Variants in DENND6B observed in about 807,000 individuals in gnomAD.
The protein encoded by DENND6B is DENN domain containing 6B, also known as protein DENND6B.
DENND6B carries 73 observed loss-of-function variants against 85.1 expected under a neutral mutation model. The observed-to-expected ratio is 0.86, with a 90% CI of 0.71 to 1.04. The LOEUF (loss-of-function observed/expected upper bound fraction) is 1.04, where lower values mean the gene tolerates loss of function less well. DENND6B is among the 50% of genes least tolerant of loss of function. The pLI, the probability that DENND6B is intolerant of heterozygous loss-of-function variation, is 0.00. For missense variants in DENND6B, 715 were observed against 785.8 expected (o/e 0.91, Z 1.08); for synonymous variants, 357 against 329.3 (o/e 1.08, Z -0.91).
rs774362338 is a variant in DENND6B at position 50,316,488 on chromosome 22, G to C, written c.454-13C>G. The C allele has an allele frequency of 2.6e-6, 4 of 1,562,764 alleles. No individual in the cohort carries two copies. The highest frequency in any genetic ancestry group is 1.9e-5 in the Admixed American group (1 of 52,052). ...CCAGCACCAAAGACTGCAGGGCCAC[G>C]GGGCCAGTTAGAGGCCCAGTGCCAG... On this transcript the variant is annotated splice_polypyrimidine_tract_variant and intron_variant, in intron 5 of 19. Coordinates refer to ENST00000413817, the MANE Select transcript of DENND6B (RefSeq NM_001001794.4).
intron 4 of DENND6B, among the ~76,000 whole-genome samples, chr22:50,317,615 G>A (rs972857578): frequency 6.6e-6 from 1 of 152,118 alleles, no homozygotes; most frequent in African/African-American, 2.4e-5. Flanking sequence ...AGTGGAGAGG[G>A]GCTCGGGGGG....
rs749562796 is a variant in DENND6B, at chr22:50,318,855, G to A, written c.251C>T (p.Ser84Leu). ...AAGGTGGGGTTGCCTACCTGAGTGC[G>A]AGTCGGGAAAAGACAGGTAGCAGAT... ...SSICYLSFPD[S>L]HSGCLGDTQF... The change falls in exon 3 of 20, where the codon TCG becomes TTG. Residue 84 changes from serine (S) to leucine (L), a missense_variant. By Grantham distance (145) the Ser-to-Leu change is moderately radical (BLOSUM62 -2). Transcript: ENST00000413817. 3 of 1,613,338 alleles carry A rather than the reference G, an allele frequency of 1.9e-6. No homozygotes were observed. Among genetic ancestry groups the A allele is most frequent in the South Asian group, 2.2e-5 (2 of 91,018 alleles).
chr22:50,317,602 T>G (rs2041895486), intron 4 of DENND6B, among the ~76,000 whole-genome samples: 1 of 151,712 alleles, frequency 6.6e-6, no homozygotes. Context: ...AGTCCGCTGG[T>G]GTAGTGGAGA....
chr22:50,321,878 G>A (rs1405463674), intron 1 of DENND6B, among the ~76,000 whole-genome samples: 3 of 151,842 alleles, frequency 2.0e-5, no homozygotes, highest in Non-Finnish European at 4.4e-5. Context: ...ACACATGGCT[G>A]ATTTTTACAC....
In DENND6B at chr22:50,315,611, C is replaced by T. The variant is rs2041783782; in HGVS notation, c.758+103G>A. 1.6e-5 allele frequency: 22 copies of T among 1,334,492 alleles called. No individual in the cohort carries two copies. The South Asian group carries it at 2.8e-4, about 17-fold the overall frequency. The allele number at this position is 1,334,492 out of a possible 1,614,324, so 82.7% of individuals were successfully genotyped here. ...GCACACGTGCACTCACGCAGACACA[C>T]ACGCACACACATACTCACACACAGA... On this transcript the variant is annotated intron_variant, in intron 9 of 19. Transcript: ENST00000413817.
chr22:50,310,320 C>G lies in DENND6B; in HGVS notation c.*1819G>C, dbSNP rs2068042900. 6.6e-6 allele frequency: 1 copy of G among 152,322 alleles called. No individual in the cohort carries two copies. The highest frequency in any genetic ancestry group is 2.4e-5 in the African/African-American group (1 of 41,474). 9.4% of individuals were successfully genotyped at this position (152,322 alleles called of 1,614,324 possible). ...TTTCATGTGGTCACATCCTTGGACC[C>G]TGCACCAGACATCTGGGGCTTAACA... On this transcript the variant is annotated 3_prime_UTR_variant, in exon 20 of 20. Transcript: ENST00000413817.
chr22:50,320,966 C>T (rs1001541676), intron 1 of DENND6B, among the ~76,000 whole-genome samples: 1 of 152,132 alleles, frequency 6.6e-6, no homozygotes. Context: ...GTCAGGCCAC[C>T]CAGGGTTGGC....
rs763565115 is a variant in DENND6B, at chr22:50,316,518, C to T, written c.454-43G>A. The T allele has an allele frequency of 5.7e-5, 88 of 1,550,876 alleles. No homozygotes were observed. The Middle Eastern group carries it at 6.7e-4, about 12-fold the overall frequency. On this transcript the variant is annotated intron_variant, in intron 5 of 19. Transcript: ENST00000413817. ...CAGTTAGAGGCCCAGTGCCAGGCCT[C>T]ACCCTCGCCACTCAGGAGCCCACGG...
chr22:50,317,537 G>A (rs1184755269), intron 4 of DENND6B, among the ~76,000 whole-genome samples, 164 bp from the exon 5 acceptor site: 1 of 152,150 alleles, frequency 6.6e-6, no homozygotes, highest in African/African-American at 2.4e-5. Flanking sequence ...CCAAGGTGGA[G>A]GCCAGGAGGT....
In DENND6B at chr22:50,318,829, A is replaced by G. The variant is rs779475637; in HGVS notation, c.259+18T>C. The G allele has an allele frequency of 4.3e-6, 7 of 1,612,786 alleles. No individual in the cohort carries two copies. The highest frequency in any genetic ancestry group is 1.7e-4 in the Middle Eastern group (1 of 6,060). On this transcript the variant is annotated intron_variant, in intron 3 of 19. Coordinates refer to ENST00000413817, the MANE Select transcript of DENND6B (RefSeq NM_001001794.4). ...AGCTGGCTTCATGTCCAGCCCCAGG[A>G]AAGGTGGGGTTGCCTACCTGAGTGC... is the stretch of plus-strand genomic sequence containing the variant.
Position 50,313,661 on chromosome 22 carries a change from G to A in DENND6B, c.1267C>T (p.Leu423Phe). 6.3e-7 allele frequency: 1 copy of A among 1,595,308 alleles called. No homozygotes were observed. Among genetic ancestry groups the A allele is most frequent in the Non-Finnish European group, 8.5e-7 (1 of 1,173,414 alleles). The change falls in exon 15 of 20, where the codon CTC becomes TTC. Residue 423 changes from leucine (L) to phenylalanine (F), a missense_variant. Physicochemically the swap from Leu to Phe is conservative, Grantham distance 22. Transcript: ENST00000413817. ...AGGGGGATGATGAAGCTCTGGGTGAGCTCCAGGAGGTGCCGCCGCAGCAGG... is the reference window on the plus strand; with the variant it reads ...AGGGGGATGATGAAGCTCTGGGTGAACTCCAGGAGGTGCCGCCGCAGCAGG... ...SALLRRHLLE[L>F]TQSFIIPLEH...
rs35729162 is a variant in DENND6B at position 50,309,566 on chromosome 22, C to T, written c.*2573G>A. 78,481 of 152,238 alleles carry T rather than the reference C, an allele frequency of 0.52. 21,306 individuals are homozygous for T. Among genetic ancestry groups the T allele is most frequent in the African/African-American group, 0.69 (28,709 of 41,492 alleles). The allele number at this position is 152,238 out of a possible 1,614,324, so 9.4% of individuals were successfully genotyped here. On this transcript the variant is annotated 3_prime_UTR_variant, in exon 20 of 20. Coordinates refer to ENST00000413817, the MANE Select transcript of DENND6B (RefSeq NM_001001794.4). ...CATTCCACCCCAGGCCTCTTCTGCA[C>T]AGGTGGGGACAGGCCCTGAGGAAGA...
chr22:50,318,987 T>A lies in DENND6B; in HGVS notation c.194A>T (p.Asp65Val), dbSNP rs2041951335. The A allele has an allele frequency of 6.2e-7, 1 of 1,602,832 alleles. No homozygotes were observed. Among genetic ancestry groups the A allele is most frequent in the Admixed American group, 1.7e-5 (1 of 58,424 alleles). ...CACCTCCTTGTCTGTGAGCCGGAAG[T>A]CGTTCGGATACACCAGCTGCAGAGG... ...GQALELVYPNDFRLTDKEKSS... is the reference protein window; with the variant it reads ...GQALELVYPNVFRLTDKEKSS... Residue 65 changes from aspartate to valine, a missense_variant, in exon 2 of 20, where the codon GAC becomes GTC. Asp to Val is a radical substitution (Grantham distance 152, BLOSUM62 -3). Coordinates refer to ENST00000413817, the MANE Select transcript of DENND6B (RefSeq NM_001001794.4).
In DENND6B at chr22:50,313,884, G is replaced by A. The variant is rs1464675952; in HGVS notation, c.1139-6C>T. 48 of 1,607,210 alleles carry A rather than the reference G, an allele frequency of 3.0e-5. No homozygotes were observed. The highest frequency in any genetic ancestry group is 3.4e-5 in the Non-Finnish European group (40 of 1,178,300). ...CGTGTAAGCGGTGTAGAGGCCTGGC[G>A]GGAGGGCACAGCTGGCGCCCCACCC... On this transcript the variant is annotated splice_polypyrimidine_tract_variant and splice_region_variant and intron_variant, in intron 13 of 19. Transcript: ENST00000413817.
chr22:50,320,272 G>A (rs62241236), intron 1 of DENND6B, among the ~76,000 whole-genome samples: 2 of 152,052 alleles, frequency 1.3e-5, no homozygotes, highest in East Asian at 1.9e-4. Context: ...AGGCTGGAGC[G>A]CAATGGCACA....
Position 50,326,826 on chromosome 22 carries a change from C to T in DENND6B, c.163G>A (p.Gly55Ser). The T allele has an allele frequency of 1.4e-6, 2 of 1,431,316 alleles. No individual in the cohort carries two copies. The highest frequency in any genetic ancestry group is 1.8e-6 in the Non-Finnish European group (2 of 1,097,254). 88.7% of individuals were successfully genotyped at this position (1,431,316 alleles called of 1,614,324 possible). A position where few individuals can be genotyped will look rare whatever the true frequency, so the allele number is the denominator to read the frequency against. Reference sequence around the variant, plus strand: ...CGCCCGCTCACCTCCAGCGCCTGGCCCAGCTCCAGGTCGAAGGTGACCACG... The same window carrying T: ...CGCCCGCTCACCTCCAGCGCCTGGCTCAGCTCCAGGTCGAAGGTGACCACG... ...VCVVTFDLEL[G>S]QALELVYPND... Residue 55 changes from glycine to serine, a missense_variant, in exon 1 of 20, where the codon GGC (glycine) becomes AGC (serine). Transcript: ENST00000413817.
At chr22:50,324,995 C>A (rs1372790459) in intron 1 of DENND6B, among the ~76,000 whole-genome samples, 1 of 152,196 alleles carries the variant, frequency 6.6e-6, no homozygotes, top group Non-Finnish European at 1.5e-5. Context: ...TGGGTGCTCC[C>A]TAAGTCTGTA....
intron 16 of DENND6B, 23 bp from the exon 17 acceptor site, chr22:50,313,131 G>T (rs1301661411): frequency 3.9e-6 from 6 of 1,547,168 alleles, no homozygotes; most frequent in Non-Finnish European, 4.4e-6. Context: ...GGGTGAGCCA[G>T]CACGTGGGAA....
chr22:50,315,568 C>A (rs2041781539), intron 9 of DENND6B, 146 bp downstream of exon 9: 10 of 989,886 alleles, frequency 1.0e-5, no homozygotes, highest in East Asian at 2.8e-5. Context: ...ATGGCGCTGG[C>A]CATACACACA....
Sources: gnomAD v4.1 joint callset for allele counts (sites outside exome capture counted in the v4.1 genomes callset) on GRCh38, gnomAD v4.1.1 for gene constraint, MANE v1.5 for transcripts, NCBI Gene and HGNC (gene_info 2026-07-23, HGNC 2026-07-21) for gene names.